SYNPO2: variants seen among roughly 807,000 people sequenced by gnomAD.
SYNPO2 encodes the protein synaptopodin 2.
SYNPO2 carries 56 observed loss-of-function variants against 85.0 expected under a neutral mutation model. The ratio of observed to expected loss-of-function variants is 0.66; its 90% CI spans 0.53 to 0.82. The LOEUF is 0.82. SYNPO2 is among the 40% of genes least tolerant of loss of function. The pLI is 0.00. For missense variants in SYNPO2, 1,575 were observed against 1,534.2 expected (o/e 1.03, Z -0.44); for synonymous variants, 602 against 591.1 (o/e 1.02, Z -0.27).
At position 119,031,784 on chromosome 4, in the gene SYNPO2, G is replaced by A; in HGVS notation, c.3009G>A (p.Lys1003=). Residue 1003 remains lysine, a synonymous_variant, in exon 4 of 5, where the codon AAG becomes AAA. Coordinates refer to ENST00000307142, the MANE Select transcript of SYNPO2 (RefSeq NM_133477.3). ...AGGTCAATTCAGCCCTGGCCATGAA[G>A]CAAGCTCTTCCTCCCCGGCCAGTGA... is the stretch of plus-strand genomic sequence containing the variant. ...SVKVNSALAM[K]QALPPRPVNA... 1 of 1,614,130 alleles carries A rather than the reference G, an allele frequency of 6.2e-7. No homozygotes were observed. The highest frequency in any genetic ancestry group is 1.3e-5 in the African/African-American group (1 of 75,022).
intron 4 of SYNPO2, among the ~76,000 whole-genome samples, chr4:119,047,516 A>G (rs1240875034): frequency 1.3e-5 from 2 of 152,112 alleles, no homozygotes; most frequent in Admixed American, 1.3e-4. Flanking sequence ...TAGATAAGAG[A>G]GTCCTAAAAC....
chr4:118,939,769 A>G (rs1460529787), intron 1 of SYNPO2, among the ~76,000 whole-genome samples: 1 of 152,176 alleles, frequency 6.6e-6, no homozygotes, highest in African/African-American at 2.4e-5. Flanking sequence ...CCATCATATT[A>G]TAGATCTATT....
At position 118,866,354 on chromosome 4, in the gene SYNPO2, G is replaced by A. The variant is rs966564780; in HGVS notation, c.12+15414G>A. On this transcript the variant is annotated intron_variant, in intron 1 of 4. Transcript: ENST00000610556. The stretch of plus-strand genomic sequence containing the variant: ...CCCAAACATTGTCAGATGTGCTGTG[G>A]AGGAAAAACTACCCTTGGTTGAGAA... 2.0e-5 allele frequency among the ~76,000 whole-genome samples: 3 copies of A among 152,154 alleles called. No individual in the cohort carries two copies. In the East Asian group the frequency reaches 5.8e-4, roughly 29 times the overall value.
At position 119,060,549 on chromosome 4, in the gene SYNPO2, A is replaced by G. The variant is rs952286644; in HGVS notation, c.*2615A>G. ...CCTGCCAGAGTGAAGTTTGATTCCT[A>G]TGGGTGAGAAGATGTAGATGACTAT... On this transcript the variant is annotated 3_prime_UTR_variant, in exon 5 of 5. Coordinates refer to ENST00000307142, the MANE Select transcript of SYNPO2 (RefSeq NM_133477.3). 2 of 152,198 alleles carry G rather than the reference A, an allele frequency of 1.3e-5. No homozygotes were observed. The highest frequency in any genetic ancestry group is 4.8e-5 in the African/African-American group (2 of 41,462). 9.4% of individuals were successfully genotyped at this position (152,198 alleles called of 1,614,324 possible).
At chr4:118,919,516 A>G (rs1033325036) in intron 1 of SYNPO2, among the ~76,000 whole-genome samples, 5 of 152,214 alleles carry the variant, frequency 3.3e-5, no homozygotes, top group African/African-American at 9.6e-5. Flanking sequence ...TAGGGATGCC[A>G]GGATGAATAT....
At chr4:118,875,100 C>T (rs147732068) in intron 1 of SYNPO2, among the ~76,000 whole-genome samples, 10 of 152,276 alleles carry the variant, frequency 6.6e-5, no homozygotes, top group South Asian at 4.1e-4. Context: ...CAAGTGAGAA[C>T]GTGCGGTATT....
upstream of SYNPO2, among the ~76,000 whole-genome samples, chr4:118,885,808 G>C (rs2149111610): frequency 1.3e-5 from 2 of 152,248 alleles, no homozygotes; most frequent in South Asian, 2.1e-4. Context: ...ATGGATAATT[G>C]GTTGCATGAG....
chr4:119,009,127 A>G (rs1035444911), intron 1 of SYNPO2, among the ~76,000 whole-genome samples: 6 of 152,370 alleles, frequency 3.9e-5, no homozygotes, highest in African/African-American at 1.4e-4. Context: ...CATCTAGCAC[A>G]AATATTATCA....
chr4:119,004,576 A>C (rs1736952007), intron 1 of SYNPO2, among the ~76,000 whole-genome samples: 2 of 148,580 alleles, frequency 1.3e-5, no homozygotes, highest in East Asian at 3.9e-4. Flanking sequence ...TTATGGCTGC[A>C]TAGTATTCCA....
intron 4 of SYNPO2, among the ~76,000 whole-genome samples, chr4:119,041,706 T>C (rs1738720367): frequency 6.6e-6 from 1 of 152,222 alleles, no homozygotes; most frequent in Admixed American, 6.5e-5. Flanking sequence ...AATTTTACAT[T>C]GAATGAACTA....
chr4:119,002,320 G>C (rs1560965929), intron 1 of SYNPO2, among the ~76,000 whole-genome samples: 1 of 152,038 alleles, frequency 6.6e-6, no homozygotes, highest in Non-Finnish European at 1.5e-5. Flanking sequence ...GAGTGCAACG[G>C]CGTGATCTCA....
At chr4:118,976,951 A>G (rs1201571135) in intron 1 of SYNPO2, among the ~76,000 whole-genome samples, 3 of 152,226 alleles carry the variant, frequency 2.0e-5, no homozygotes, top group Non-Finnish European at 2.9e-5. Context: ...AAGACTCTCC[A>G]CGTCCCCACC....
At chr4:118,962,660 G>A (rs1476926312) in intron 1 of SYNPO2, among the ~76,000 whole-genome samples, 1 of 152,114 alleles carries the variant, frequency 6.6e-6, no homozygotes, top group Non-Finnish European at 1.5e-5. Context: ...CTTTCATCAT[G>A]TGTTGAGTGA....
At chr4:119,017,599 T>A (rs374220451) in intron 1 of SYNPO2, among the ~76,000 whole-genome samples, 2 of 152,144 alleles carry the variant, frequency 1.3e-5, no homozygotes, top group East Asian at 3.8e-4. Flanking sequence ...CAATCATCTC[T>A]CTCATCCTCT....
At chr4:119,047,587 T>A (rs1738910251) in intron 4 of SYNPO2, among the ~76,000 whole-genome samples, 2 of 152,204 alleles carry the variant, frequency 1.3e-5, no homozygotes, top group Non-Finnish European at 2.9e-5. Flanking sequence ...AGAAGGCAAG[T>A]GTTAGGGAAT....
intron 1 of SYNPO2, among the ~76,000 whole-genome samples, chr4:118,894,019 A>C (rs2149115255): frequency 6.6e-6 from 1 of 150,546 alleles, no homozygotes; most frequent in East Asian, 1.9e-4. Context: ...TAAAACTTAA[A>C]AAAGAAGATA....
chr4:118,907,080 G>T (rs1308680421), intron 1 of SYNPO2, among the ~76,000 whole-genome samples: 1 of 151,968 alleles, frequency 6.6e-6, no homozygotes, highest in Non-Finnish European at 1.5e-5. Flanking sequence ...CTTCCGAAGT[G>T]CTGGATTACA....
chr4:118,962,930 G>T (rs1735162182), intron 1 of SYNPO2, among the ~76,000 whole-genome samples: 1 of 152,352 alleles, frequency 6.6e-6, no homozygotes, highest in Middle Eastern at 3.4e-3. Context: ...AGGTGGAATT[G>T]TGGGTGCAGC....
chr4:118,929,146 A>T (rs1024209056), intron 1 of SYNPO2, among the ~76,000 whole-genome samples: 3 of 152,110 alleles, frequency 2.0e-5, no homozygotes, highest in Non-Finnish European at 2.9e-5. Flanking sequence ...GGATGGAGGA[A>T]AGAAAGGTAA....
Sources: gnomAD v4.1 joint callset for allele counts (sites outside exome capture counted in the v4.1 genomes callset) on GRCh38, gnomAD v4.1.1 for gene constraint, MANE v1.5 for transcripts, NCBI Gene and HGNC (gene_info 2026-07-23, HGNC 2026-07-21) for gene names.